SLC35D4: variants seen among roughly 807,000 people sequenced by gnomAD.
The protein encoded by SLC35D4 is solute carrier family 35 member D4.
At chr18:23,357,568 G>A in the SLC35D4 span, among the ~76,000 whole-genome samples, 1 of 152,208 alleles carries the variant, frequency 6.6e-6, no homozygotes. Flanking sequence ...CTCAGTTCTG[G>A]GGGCCTGGGG....
chr18:23,372,910 A>G, the SLC35D4 span, among the ~76,000 whole-genome samples: 1 of 152,032 alleles, frequency 6.6e-6, no homozygotes, highest in African/African-American at 2.4e-5. Flanking sequence ...AAGGAGGGAG[A>G]AAAAAAGAAA....
the SLC35D4 span, among the ~76,000 whole-genome samples, chr18:23,411,026 G>C: frequency 3.9e-5 from 6 of 151,906 alleles, no homozygotes; most frequent in South Asian, 1.2e-3. Context: ...TCATTGTCCT[G>C]CTGGCCCACA....
At chr18:23,414,707 A>G in the SLC35D4 span, among the ~76,000 whole-genome samples, 2 of 152,066 alleles carry the variant, frequency 1.3e-5, no homozygotes, top group Non-Finnish European at 1.5e-5. Flanking sequence ...GCCAGACACA[A>G]TGGCACACAC....
chr18:23,346,539 C>T, the SLC35D4 span, among the ~76,000 whole-genome samples: 2 of 150,892 alleles, frequency 1.3e-5, no homozygotes, highest in South Asian at 4.2e-4. Context: ...TCCTATTGCA[C>T]TGCCTATTGC....
At chr18:23,379,912 A>G in the SLC35D4 span, among the ~76,000 whole-genome samples, 1 of 152,124 alleles carries the variant, frequency 6.6e-6, no homozygotes, top group Non-Finnish European at 1.5e-5. Flanking sequence ...CCTGGACAAC[A>G]TGGCGAAACC....
At chr18:23,314,431 T>C in the SLC35D4 span, among the ~76,000 whole-genome samples, 2 of 152,174 alleles carry the variant, frequency 1.3e-5, no homozygotes, top group African/African-American at 4.8e-5. Flanking sequence ...GCTCCAGATG[T>C]TAACAAGCCT....
chr18:23,320,890 G>A, the SLC35D4 span, among the ~76,000 whole-genome samples: 3 of 152,272 alleles, frequency 2.0e-5, no homozygotes. Context: ...TGCTTTTGCT[G>A]CAGTCTCCTA....
the SLC35D4 span, among the ~76,000 whole-genome samples, chr18:23,303,174 CAGCTCTGTGCAAGACACAG>C: frequency 6.6e-6 from 1 of 152,234 alleles, no homozygotes; most frequent in Non-Finnish European, 1.5e-5. Context: ...CAAGGCAGAA[CAGCTCTGTGCAAGACACAG>C]AGCTGAAGCA....
the SLC35D4 span, among the ~76,000 whole-genome samples, chr18:23,433,867 C>CAA: frequency 5.5e-4 from 82 of 148,016 alleles, no homozygotes; most frequent in Non-Finnish European, 8.7e-4. Flanking sequence ...CTACTTTAGA[C>CAA]AAAAAAAAAA....
chr18:23,436,294 C>T, the SLC35D4 span, among the ~76,000 whole-genome samples: 1 of 141,990 alleles, frequency 7.0e-6, no homozygotes, highest in Admixed American at 7.3e-5. Flanking sequence ...TCCCAAAGTG[C>T]TGGGATTACA....
chr18:23,262,151 A>G, the SLC35D4 span, among the ~76,000 whole-genome samples: 1 of 152,258 alleles, frequency 6.6e-6, no homozygotes, highest in Non-Finnish European at 1.5e-5. Flanking sequence ...TTTAATACCA[A>G]AAAGAATAGT....
chr18:23,414,930 T>C, the SLC35D4 span, among the ~76,000 whole-genome samples: 3 of 152,028 alleles, frequency 2.0e-5, no homozygotes, highest in East Asian at 1.9e-4. Flanking sequence ...CTGGGCAACA[T>C]AGTGAGATGC....
chr18:23,317,700 T>C, the SLC35D4 span, among the ~76,000 whole-genome samples: 4 of 152,160 alleles, frequency 2.6e-5, no homozygotes, highest in Non-Finnish European at 5.9e-5. Context: ...TCTGAAGATC[T>C]ACCATTGTAG....
At chr18:23,366,824 G>A in the SLC35D4 span, among the ~76,000 whole-genome samples, 7 of 152,214 alleles carry the variant, frequency 4.6e-5, no homozygotes, top group South Asian at 2.1e-4. Context: ...GGCTAGACAG[G>A]AGGTTTGCGA....
At chr18:23,355,437 C>G in the SLC35D4 span, among the ~76,000 whole-genome samples, 1 of 152,118 alleles carries the variant, frequency 6.6e-6, no homozygotes, top group Non-Finnish European at 1.5e-5. Flanking sequence ...CCGCCCAGCA[C>G]GAAGACTCAT....
the SLC35D4 span, among the ~76,000 whole-genome samples, chr18:23,299,495 C>A: frequency 6.6e-6 from 1 of 152,216 alleles, no homozygotes; most frequent in Non-Finnish European, 1.5e-5. Flanking sequence ...CCATGGGCAT[C>A]TCACTTGTGG....
At chr18:23,301,378 T>C in the SLC35D4 span, among the ~76,000 whole-genome samples, 1 of 152,190 alleles carries the variant, frequency 6.6e-6, no homozygotes, top group Admixed American at 6.5e-5. Flanking sequence ...TGGAGTGTGA[T>C]GGGGGGACGT....
At chr18:23,337,002 AGTGT>A in the SLC35D4 span, among the ~76,000 whole-genome samples, 811 of 147,946 alleles carry the variant, frequency 5.5e-3, 9 homozygotes, top group African/African-American at 0.018. Flanking sequence ...TTTCCCCTGT[AGTGT>A]GTGTGTGTGT....
At chr18:23,399,750 G>A in the SLC35D4 span, 2 of 1,082,292 alleles carry the variant, frequency 1.8e-6, no homozygotes, top group Non-Finnish European at 2.7e-6. Flanking sequence ...CAACAACAGA[G>A]GCTGTCTAAA....
Sources: allele counts gnomAD v4.1 joint callset (sites outside exome capture counted in the v4.1 genomes callset), GRCh38; gene constraint gnomAD v4.1.1; transcripts MANE v1.5; gene names NCBI Gene and HGNC (gene_info 2026-07-23, HGNC 2026-07-21).